SORCS3: variants seen among roughly 807,000 people sequenced by gnomAD.
SORCS3 encodes VPS10 domain-containing receptor SorCS3.
Under a neutral mutation model 146.3 loss-of-function variants are expected in SORCS3, and 57 were observed. The observed-to-expected ratio is 0.39, with a 90% CI of 0.31 to 0.49. SORCS3 has a LOEUF of 0.49. Among genes scored for constraint, SORCS3 ranks in the 20% least tolerant of loss-of-function variants. The pLI, the probability that SORCS3 is intolerant of heterozygous loss-of-function variation, is 0.92. For missense variants in SORCS3, 1,341 were observed against 1,575.5 expected (o/e 0.85, Z 2.52); for synonymous variants, 653 against 618.5 (o/e 1.06, Z -0.83).
At chr10:105,004,251 C>T (rs989429943) in intron 4 of SORCS3, among the ~76,000 whole-genome samples, 1 of 152,138 alleles carries the variant, frequency 6.6e-6, no homozygotes, top group Admixed American at 6.5e-5. Flanking sequence ...ACCAGCCAGG[C>T]TCTGCCTGGG....
intron 1 of SORCS3, among the ~76,000 whole-genome samples, chr10:104,807,489 G>A (rs1005358276): frequency 2.0e-5 from 3 of 150,336 alleles, no homozygotes; most frequent in African/African-American, 7.4e-5. Flanking sequence ...AACTATCAGG[G>A]CAAGGTAAAA....
intron 2 of SORCS3, among the ~76,000 whole-genome samples, chr10:104,874,420 C>T (rs1433018196): frequency 6.6e-6 from 1 of 152,110 alleles, no homozygotes; most frequent in East Asian, 1.9e-4. Flanking sequence ...TTATAATAAA[C>T]ATCTTATAGG....
chr10:105,065,299 A>C (rs1000781204), intron 5 of SORCS3, among the ~76,000 whole-genome samples: 1 of 152,216 alleles, frequency 6.6e-6, no homozygotes, highest in African/African-American at 2.4e-5. Context: ...CTGGTTCACA[A>C]ACTGCTACTA....
chr10:104,743,561 G>T (rs971271520), intron 1 of SORCS3, among the ~76,000 whole-genome samples: 1 of 152,118 alleles, frequency 6.6e-6, no homozygotes, highest in Non-Finnish European at 1.5e-5. Flanking sequence ...TTCACCTTCT[G>T]CTAGGGTTCC....
At chr10:104,897,152 T>G (rs1032251814) in intron 2 of SORCS3, among the ~76,000 whole-genome samples, 1 of 152,310 alleles carries the variant, frequency 6.6e-6, no homozygotes, top group Non-Finnish European at 1.5e-5. Flanking sequence ...ACTTTCAGCT[T>G]TGTTAAGCTT....
intron 6 of SORCS3, among the ~76,000 whole-genome samples, chr10:105,102,505 G>A (rs1002084816): frequency 3.3e-4 from 50 of 152,248 alleles, no homozygotes; most frequent in African/African-American, 1.2e-3. Context: ...AAAAAAGGGA[G>A]CAACAGACAC....
chr10:105,037,870 TCTTTTGTTCTTCCTG>T (rs2055316409), intron 4 of SORCS3, among the ~76,000 whole-genome samples: 1 of 152,216 alleles, frequency 6.6e-6, no homozygotes. Flanking sequence ...CCGGGTACAG[TCTTTTGTTCTTCCTG>T]TGGAATATTC....
chr10:105,124,971 T>C (rs930068589), intron 7 of SORCS3, among the ~76,000 whole-genome samples: 2 of 152,232 alleles, frequency 1.3e-5, no homozygotes, highest in African/African-American at 2.4e-5. Flanking sequence ...GTTTCTAGAT[T>C]GCATCAGGAA....
intron 1 of SORCS3, among the ~76,000 whole-genome samples, chr10:104,721,910 A>C (rs1358265665): frequency 6.6e-6 from 1 of 152,196 alleles, no homozygotes; most frequent in Admixed American, 6.5e-5. Context: ...ACATACAGTC[A>C]TGTCATCTGC....
intron 14 of SORCS3, among the ~76,000 whole-genome samples, chr10:105,182,228 A>ATTTTTTT (rs1306740780): frequency 4.3e-5 from 3 of 69,350 alleles, no homozygotes; most frequent in Non-Finnish European, 5.8e-5. Context: ...ACTATTCAGC[A>ATTTTTTT]TCTTTTTTTT....
At chr10:105,067,931 C>G (rs557368104) in intron 5 of SORCS3, among the ~76,000 whole-genome samples, 5 of 151,958 alleles carry the variant, frequency 3.3e-5, no homozygotes, top group Admixed American at 2.0e-4. Context: ...CCAGGATGCT[C>G]TCTTCATTGT....
intron 20 of SORCS3, among the ~76,000 whole-genome samples, chr10:105,234,685 G>A (rs1322001835): frequency 6.6e-6 from 1 of 151,268 alleles, no homozygotes; most frequent in Non-Finnish European, 1.5e-5. Context: ...TAAATTTCAG[G>A]TACAGTGTTT....
intron 2 of SORCS3, among the ~76,000 whole-genome samples, chr10:104,898,680 T>C (rs944789218): frequency 6.6e-6 from 1 of 152,242 alleles, no homozygotes; most frequent in African/African-American, 2.4e-5. Flanking sequence ...CTTTCATACC[T>C]GGCAAAAACA....
chr10:105,259,357 C>G (rs1484596408), intron 25 of SORCS3, among the ~76,000 whole-genome samples: 1 of 152,176 alleles, frequency 6.6e-6, no homozygotes, highest in Non-Finnish European at 1.5e-5. Flanking sequence ...TCCAAAGCTT[C>G]CTCTCTGTAA....
intron 3 of SORCS3, 43 bp downstream of exon 3, chr10:104,915,975 A>G: frequency 6.8e-7 from 1 of 1,475,280 alleles, no homozygotes; most frequent in Non-Finnish European, 9.5e-7. Flanking sequence ...CCTGCTGGGT[A>G]GCTGTGCTGA....
intron 1 of SORCS3, among the ~76,000 whole-genome samples, chr10:104,774,156 C>T (rs1014192908): frequency 5.3e-5 from 8 of 152,288 alleles, no homozygotes; most frequent in Non-Finnish European, 7.4e-5. Flanking sequence ...ATAAATTGTG[C>T]ATATCCTGTT....
chr10:104,831,183 T>A (rs984686072), intron 1 of SORCS3, among the ~76,000 whole-genome samples: 1 of 152,186 alleles, frequency 6.6e-6, no homozygotes, highest in Non-Finnish European at 1.5e-5. Context: ...AGAAAGAGAT[T>A]CATGAAGTTC....
At chr10:104,744,817 G>A (rs1040524531) in intron 1 of SORCS3, among the ~76,000 whole-genome samples, 1 of 152,226 alleles carries the variant, frequency 6.6e-6, no homozygotes, top group Non-Finnish European at 1.5e-5. Context: ...CTGGTTGGGT[G>A]TTGTATGCCT....
chr10:104,846,308 G>A (rs1373280748), intron 2 of SORCS3, among the ~76,000 whole-genome samples: 1 of 152,098 alleles, frequency 6.6e-6, no homozygotes, highest in Non-Finnish European at 1.5e-5. Flanking sequence ...CTCTTTTCCT[G>A]TACTGATAAT....
Sources: allele counts gnomAD v4.1 joint callset (sites outside exome capture counted in the v4.1 genomes callset), GRCh38; gene constraint gnomAD v4.1.1; transcripts MANE v1.5; gene names NCBI Gene and HGNC (gene_info 2026-07-23, HGNC 2026-07-21).